Variants in GRK3 observed in about 807,000 individuals in gnomAD.
GRK3 encodes G protein-coupled receptor kinase 3, also known as adrenergic, beta, receptor kinase 2.
Under a neutral mutation model 95.7 loss-of-function variants are expected in GRK3, and 54 were observed. The ratio of observed to expected loss-of-function variants is 0.56; its 90% CI spans 0.45 to 0.71. The LOEUF (loss-of-function observed/expected upper bound fraction) is 0.71, where lower values mean the gene tolerates loss of function less well. Among genes scored for constraint, GRK3 ranks in the 30% least tolerant of loss-of-function variants. The pLI, the probability that GRK3 is intolerant of heterozygous loss-of-function variation, is 0.00. For synonymous variants in GRK3, 281 were observed against 290.8 expected, an observed-to-expected ratio of 0.97 and a Z score of 0.34; for missense variants, 649 against 851.2, an observed-to-expected ratio of 0.76 and a Z score of 2.96.
intron 13 of GRK3, among the ~76,000 whole-genome samples, chr22:25,702,208 A>G (rs2085264469): frequency 6.6e-6 from 1 of 152,214 alleles, no homozygotes; most frequent in South Asian, 2.1e-4. Context: ...AGAAAATTAA[A>G]GTGTTTCAGA....
At chr22:25,710,019 T>C in intron 16 of GRK3, 55 bp downstream of exon 16, 5 of 1,286,734 alleles carry the variant, frequency 3.9e-6, no homozygotes, top group Non-Finnish European at 5.7e-6. Context: ...CCTTACCCGC[T>C]CATCTCTGTC....
intron 17 of GRK3, among the ~76,000 whole-genome samples, chr22:25,712,581 A>G (rs1361876866): frequency 3.9e-5 from 6 of 152,266 alleles, no homozygotes; most frequent in African/African-American, 1.4e-4. Context: ...AAATGTTGTA[A>G]ACCAAGATCT....
chr22:25,597,929 G>A (rs1489965989), intron 1 of GRK3, among the ~76,000 whole-genome samples: 1 of 152,148 alleles, frequency 6.6e-6, no homozygotes, highest in African/African-American at 2.4e-5. Context: ...AACAAGAGCT[G>A]GGAAAATTCA....
intron 1 of GRK3, among the ~76,000 whole-genome samples, chr22:25,586,280 G>C: frequency 6.6e-6 from 1 of 152,274 alleles, no homozygotes; most frequent in Non-Finnish European, 1.5e-5. Flanking sequence ...CAGTTAGAAA[G>C]AGTGAATAAG....
At chr22:25,623,979 C>T (rs375443018) in intron 2 of GRK3, among the ~76,000 whole-genome samples, 2 of 152,190 alleles carry the variant, frequency 1.3e-5, no homozygotes, top group African/African-American at 4.8e-5. Flanking sequence ...CAATCTCCAG[C>T]TCTTTTCCTG....
At chr22:25,656,527 G>C (rs2084872600) in intron 3 of GRK3, among the ~76,000 whole-genome samples, 1 of 151,944 alleles carries the variant, frequency 6.6e-6, no homozygotes, top group Admixed American at 6.6e-5. Context: ...AGGTCTCACT[G>C]TGTTGCCCAG....
intron 16 of GRK3, among the ~76,000 whole-genome samples, chr22:25,710,782 C>T (rs1036529996): frequency 1.3e-5 from 2 of 152,136 alleles, no homozygotes; most frequent in Non-Finnish European, 2.9e-5. Context: ...CTGAGCTGGA[C>T]GGATATGCAG....
intron 2 of GRK3, among the ~76,000 whole-genome samples, chr22:25,612,053 G>C (rs1420447701): frequency 5.9e-5 from 9 of 152,040 alleles, no homozygotes; most frequent in Middle Eastern, 6.8e-3. Flanking sequence ...GGCTGGTCAC[G>C]ATCTCTTGAG....
chr22:25,609,911 G>A (rs564793991), intron 2 of GRK3, among the ~76,000 whole-genome samples: 1 of 148,066 alleles, frequency 6.8e-6, no homozygotes, highest in African/African-American at 2.5e-5. Flanking sequence ...GCAGTGGTGC[G>A]ATTTTGGCTC....
intron 8 of GRK3, among the ~76,000 whole-genome samples, chr22:25,675,768 A>T (rs2146418674): frequency 6.6e-6 from 1 of 152,306 alleles, no homozygotes; most frequent in South Asian, 2.1e-4. Flanking sequence ...CCAATGGATG[A>T]TATGTTTTTT....
At chr22:25,566,570 G>A (rs1931494859) in intron 1 of GRK3, among the ~76,000 whole-genome samples, 2 of 152,184 alleles carry the variant, frequency 1.3e-5, no homozygotes, top group East Asian at 3.8e-4. Context: ...ACAATGCCAA[G>A]TAGTGAAAAT....
chr22:25,651,240 G>T (rs1438530831), intron 3 of GRK3, among the ~76,000 whole-genome samples: 5 of 152,048 alleles, frequency 3.3e-5, no homozygotes, highest in Admixed American at 6.5e-5. Flanking sequence ...TAAAATGAAG[G>T]TCTAGTGTGT....
In GRK3 at chr22:25,564,828, G is replaced by C. The variant is rs1352551789; in HGVS notation, c.-213G>C. On this transcript the variant is annotated 5_prime_UTR_variant, in exon 1 of 21. Transcript: ENST00000324198. The stretch of plus-strand genomic sequence containing the variant: ...CGGGCGGCGCGCGAGGGGGCGGAGC[G>C]GGGAGGCGTGCTGCGACCCCGGCCG... 3 of 147,232 alleles carry C rather than the reference G, an allele frequency of 2.0e-5. No individual in the cohort carries two copies. Among genetic ancestry groups the C allele is most frequent in the Admixed American group, 2.0e-4 (3 of 14,844 alleles). 9.1% of individuals were successfully genotyped at this position (147,232 alleles called of 1,614,324 possible). A position where few individuals can be genotyped will look rare whatever the true frequency, so the allele number is the denominator to read the frequency against.
In GRK3 at chr22:25,674,491, G is replaced by C; in HGVS notation, c.610G>C (p.Glu204Gln). The C allele has an allele frequency of 1.2e-6, 2 of 1,614,130 alleles. No homozygotes were observed. Among genetic ancestry groups the C allele is most frequent in the Non-Finnish European group, 1.7e-6 (2 of 1,179,966 alleles). Residue 204 changes from glutamate (E) to glutamine (Q), a missense_variant, in exon 8 of 21, where the codon GAA becomes CAA. Coordinates refer to ENST00000324198, the MANE Select transcript of GRK3 (RefSeq NM_005160.4). Reference sequence around the variant, plus strand: ...GATTATTGGACGAGGAGGATTCGGGGAAGTTTATGGTTGCAGGAAAGCAGA... The same window carrying C: ...GATTATTGGACGAGGAGGATTCGGGCAAGTTTATGGTTGCAGGAAAGCAGA... The part of the protein sequence containing the change: ...HRIIGRGGFG[E>Q]VYGCRKADTG...
intron 1 of GRK3, among the ~76,000 whole-genome samples, chr22:25,589,837 T>C (rs1470620078): frequency 6.6e-6 from 1 of 152,108 alleles, no homozygotes; most frequent in African/African-American, 2.4e-5. Flanking sequence ...ACAATCATGG[T>C]GGAAGGTGAA....
intron 1 of GRK3, among the ~76,000 whole-genome samples, chr22:25,598,449 A>G (rs2084387127): frequency 6.6e-6 from 1 of 152,038 alleles, no homozygotes; most frequent in African/African-American, 2.4e-5. Flanking sequence ...AGCCGGGAGG[A>G]TCACTTGAGC....
At chr22:25,703,668 A>T in intron 14 of GRK3, 92 bp downstream of exon 14, 1 of 945,828 alleles carries the variant, frequency 1.1e-6, no homozygotes, top group South Asian at 1.8e-5. Flanking sequence ...ATAAAATGTT[A>T]TAGGAAATAT....
chr22:25,601,582 T>C (rs1159291917), intron 1 of GRK3, among the ~76,000 whole-genome samples: 1 of 152,148 alleles, frequency 6.6e-6, no homozygotes, highest in African/African-American at 2.4e-5. Context: ...TCCAACTTCT[T>C]AAGTTAGAAA....
At chr22:25,644,739 C>A in intron 3 of GRK3, 74 bp downstream of exon 3, 1 of 714,720 alleles carries the variant, frequency 1.4e-6, no homozygotes, top group South Asian at 2.0e-5. Flanking sequence ...CATATTAAGA[C>A]TACTTAATAT....
Sources: gnomAD v4.1 joint callset for allele counts (sites outside exome capture counted in the v4.1 genomes callset) on GRCh38, gnomAD v4.1.1 for gene constraint, MANE v1.5 for transcripts, NCBI Gene and HGNC (gene_info 2026-07-23, HGNC 2026-07-21) for gene names.